The following BCKDHB variants were observed in gnomAD, a reference collection of about 807,000 sequenced individuals.
The protein encoded by BCKDHB is branched chain keto acid dehydrogenase E1 subunit beta, also known as 2-oxoisovalerate dehydrogenase subunit beta, mitochondrial.
BCKDHB carries 41 observed loss-of-function variants against 48.5 expected under a neutral mutation model. That is an observed-to-expected ratio of 0.85 (90% CI 0.66 to 1.10). The LOEUF (loss-of-function observed/expected upper bound fraction) is 1.10, where lower values mean the gene tolerates loss of function less well. BCKDHB is among the 50% of genes least tolerant of loss of function. BCKDHB has a pLI of 0.00. For synonymous variants in BCKDHB, 201 were observed against 174.8 expected (o/e 1.15, Z -1.18); for missense variants, 496 against 494.2 (o/e 1.00, Z -0.03).
intron 9 of BCKDHB, among the ~76,000 whole-genome samples, chr6:80,338,618 C>T (rs1206685716): frequency 3.3e-5 from 5 of 152,156 alleles, no homozygotes; most frequent in Non-Finnish European, 7.4e-5. Context: ...TATACGGATG[C>T]TACTTTTCAG....
chr6:80,233,037 TCTTC>T (rs1775998926), intron 8 of BCKDHB, among the ~76,000 whole-genome samples: 2 of 152,272 alleles, frequency 1.3e-5, no homozygotes, highest in African/African-American at 4.8e-5. Flanking sequence ...TAAAGTTGTT[TCTTC>T]CTTTCTCTCA....
Position 80,203,114 on chromosome 6 carries a change from C to T in BCKDHB, c.853C>T (p.Arg285Ter), listed in dbSNP as rs398124598. 42 of 1,611,030 alleles carry T rather than the reference C, an allele frequency of 2.6e-5. No individual in the cohort carries two copies. The Admixed American group carries it at 4.0e-4, about 15-fold the overall frequency. Reference sequence around the variant, plus strand: ...CTCTTTATTTCAGGTTCATGTGATCCGAGAGGTAGCTTCCATGGCAAAAGA... The same window carrying T: ...CTCTTTATTTCAGGTTCATGTGATCTGAGAGGTAGCTTCCATGGCAAAAGA... ...VAWGTQVHVI[R>*]EVASMAKEKL... The change falls in exon 8 of 10, where the codon CGA becomes TGA. Residue 285 changes from arginine (R) to a stop codon, truncating the protein, a stop_gained. Transcript: ENST00000320393. LOFTEE classifies it high-confidence loss of function.
At chr6:80,448,352 A>T in the BCKDHB span, among the ~76,000 whole-genome samples, 1 of 152,198 alleles carries the variant, frequency 6.6e-6, no homozygotes, top group African/African-American at 2.4e-5. Flanking sequence ...AAGATTTTTA[A>T]GAAGGAAGTG....
At chr6:80,433,415 G>A in the BCKDHB span, among the ~76,000 whole-genome samples, 2 of 152,254 alleles carry the variant, frequency 1.3e-5, no homozygotes, top group African/African-American at 4.8e-5. Context: ...GCTGCCGTTG[G>A]CTCCACCCAG....
chr6:80,399,370 G>A, the BCKDHB span, among the ~76,000 whole-genome samples: 1 of 152,030 alleles, frequency 6.6e-6, no homozygotes, highest in East Asian at 1.9e-4. Context: ...TGGCCCAAAA[G>A]CACCTTTAGC....
chr6:80,352,472 G>C, the BCKDHB span, among the ~76,000 whole-genome samples: 1 of 152,156 alleles, frequency 6.6e-6, no homozygotes, highest in Admixed American at 6.5e-5. Flanking sequence ...GCAGCCTGAA[G>C]TGTTCCATTC....
At chr6:80,440,453 C>G in the BCKDHB span, among the ~76,000 whole-genome samples, 1 of 152,016 alleles carries the variant, frequency 6.6e-6, no homozygotes, top group Admixed American at 6.6e-5. Context: ...TTGCAAGATC[C>G]CTGATGGATT....
chr6:80,383,215 A>G, the BCKDHB span, among the ~76,000 whole-genome samples: 4 of 152,188 alleles, frequency 2.6e-5, no homozygotes, highest in African/African-American at 9.6e-5. Flanking sequence ...TATGTGGTCA[A>G]CTATTTCCCA....
chr6:80,136,584 A>G (rs1015130369), intron 3 of BCKDHB, among the ~76,000 whole-genome samples: 31 of 152,304 alleles, frequency 2.0e-4, no homozygotes, highest in African/African-American at 7.0e-4. Flanking sequence ...GGTATAGGCA[A>G]CAATAAAAAT....
At chr6:80,309,544 C>CA (rs1441433883) in intron 9 of BCKDHB, among the ~76,000 whole-genome samples, 1 of 152,026 alleles carries the variant, frequency 6.6e-6, no homozygotes, top group Non-Finnish European at 1.5e-5. Context: ...GTTATTTTAA[C>CA]AAAAGAGTAA....
chr6:80,189,349 C>T (rs1204582106), intron 6 of BCKDHB, among the ~76,000 whole-genome samples: 1 of 152,130 alleles, frequency 6.6e-6, no homozygotes, highest in East Asian at 1.9e-4. Context: ...TCTCACTTGA[C>T]CCTTACTTAT....
intron 9 of BCKDHB, among the ~76,000 whole-genome samples, chr6:80,297,732 A>C (rs1582526183): frequency 6.6e-6 from 1 of 152,198 alleles, no homozygotes; most frequent in Non-Finnish European, 1.5e-5. Context: ...GGCCAAGACC[A>C]TGTTTCTCTG....
the BCKDHB span, among the ~76,000 whole-genome samples, chr6:80,388,485 A>G: frequency 1.3e-5 from 2 of 152,190 alleles, no homozygotes; most frequent in Admixed American, 6.5e-5. Flanking sequence ...TCAAGTCTCC[A>G]TGTGACCTGA....
At chr6:80,333,697 G>A (rs1199450073) in intron 9 of BCKDHB, among the ~76,000 whole-genome samples, 1 of 152,130 alleles carries the variant, frequency 6.6e-6, no homozygotes, top group Non-Finnish European at 1.5e-5. Flanking sequence ...TTAGCCCCAA[G>A]TAAGTAGATA....
intron 8 of BCKDHB, among the ~76,000 whole-genome samples, chr6:80,238,539 A>G (rs1360958951): frequency 1.3e-5 from 2 of 152,164 alleles, no homozygotes; most frequent in Non-Finnish European, 2.9e-5. Flanking sequence ...TCTCCAGCGC[A>G]GCCAAGTGGT....
chr6:80,110,323 G>A (rs1330068680), intron 1 of BCKDHB, among the ~76,000 whole-genome samples: 1 of 152,212 alleles, frequency 6.6e-6, no homozygotes, highest in African/African-American at 2.4e-5. Context: ...TCATGGACCT[G>A]TCGGAGGGTA....
chr6:80,206,053 A>G (rs577245037), intron 8 of BCKDHB, among the ~76,000 whole-genome samples: 1 of 152,126 alleles, frequency 6.6e-6, no homozygotes, highest in African/African-American at 2.4e-5. Context: ...TTGACCTTTT[A>G]TTTGCCAAAT....
intron 9 of BCKDHB, among the ~76,000 whole-genome samples, chr6:80,277,765 G>A (rs969124596): frequency 2.0e-5 from 3 of 151,114 alleles, no homozygotes; most frequent in Non-Finnish European, 2.9e-5. Flanking sequence ...CTTTCTGTGC[G>A]GTCTCTTTTC....
At chr6:80,228,454 C>T (rs1405491805) in intron 8 of BCKDHB, among the ~76,000 whole-genome samples, 4 of 152,132 alleles carry the variant, frequency 2.6e-5, no homozygotes, top group Non-Finnish European at 5.9e-5. Flanking sequence ...TACTTTACAT[C>T]TAATAGAGAC....
Sources: allele counts gnomAD v4.1 joint callset (sites outside exome capture counted in the v4.1 genomes callset), GRCh38; gene constraint gnomAD v4.1.1; transcripts MANE v1.5; gene names NCBI Gene and HGNC (gene_info 2026-07-23, HGNC 2026-07-21).